Variants in SGCD observed in about 807,000 individuals in gnomAD.
SGCD encodes the protein delta-sarcoglycan.
A neutral mutation model predicts 36.6 loss-of-function variants in SGCD; 18 were observed. That is an observed-to-expected ratio of 0.49 (90% CI 0.34 to 0.73). The LOEUF (loss-of-function observed/expected upper bound fraction) is 0.73, where lower values mean the gene tolerates loss of function less well. Ranked by LOEUF, SGCD falls within the 30% of genes least tolerant of loss-of-function variation. The pLI is 0.01. For missense variants in SGCD, 387 were observed against 346.7 expected, an observed-to-expected ratio of 1.12 and a Z score of -0.92; for synonymous variants, 133 against 130.6, an observed-to-expected ratio of 1.02 and a Z score of -0.12.
intron 1 of SGCD, among the ~76,000 whole-genome samples, chr5:155,971,456 C>T (rs11746342): frequency 0.22 from 33,734 of 151,974 alleles, 4,617 homozygotes; most frequent in South Asian, 0.38. Context: ...TCCCATATAG[C>T]TGATACTGAC....
At chr5:156,473,781 A>T (rs1755068079) in intron 3 of SGCD, among the ~76,000 whole-genome samples, 1 of 152,202 alleles carries the variant, frequency 6.6e-6, no homozygotes, top group South Asian at 2.1e-4. Flanking sequence ...AATCTGTTTT[A>T]AGGAGCAATC....
chr5:156,719,656 A>T (rs567260330), intron 7 of SGCD, among the ~76,000 whole-genome samples: 2 of 152,056 alleles, frequency 1.3e-5, no homozygotes, highest in Non-Finnish European at 2.9e-5. Context: ...ATAGAAACTT[A>T]GGAAACAGCC....
At chr5:156,444,576 T>G (rs1370786670) in intron 3 of SGCD, among the ~76,000 whole-genome samples, 1 of 151,956 alleles carries the variant, frequency 6.6e-6, no homozygotes, top group Non-Finnish European at 1.5e-5. Context: ...AGCATAAGAA[T>G]CTCTCTGTGC....
chr5:155,983,715 T>C (rs1758274766), intron 1 of SGCD, among the ~76,000 whole-genome samples: 1 of 152,220 alleles, frequency 6.6e-6, no homozygotes, highest in South Asian at 2.1e-4. Context: ...AGGGTTCTGG[T>C]AAATATATAA....
At position 156,344,462 on chromosome 5, in the gene SGCD, G is replaced by T. The variant is rs772661727; in HGVS notation, c.4-27G>T. On this transcript the variant is annotated intron_variant, in intron 2 of 8. Transcript: ENST00000337851. ...CTTCTCTCAGCGGTTTAATGTGAGTGCTTCTCTCTTGCCTCGTTTATTTCA... is the reference window on the plus strand; with the variant it reads ...CTTCTCTCAGCGGTTTAATGTGAGTTCTTCTCTCTTGCCTCGTTTATTTCA... The T allele has an allele frequency of 4.7e-6, 7 of 1,485,936 alleles. No individual in the cohort carries two copies. The East Asian group carries it at 1.5e-4, about 32-fold the overall frequency. 92.0% of individuals were successfully genotyped at this position (1,485,936 alleles called of 1,614,324 possible). A position where few individuals can be genotyped will look rare whatever the true frequency, so the allele number is the denominator to read the frequency against.
At chr5:156,735,330 G>A (rs1034003248) in intron 7 of SGCD, among the ~76,000 whole-genome samples, 1 of 152,114 alleles carries the variant, frequency 6.6e-6, no homozygotes, top group African/African-American at 2.4e-5. Flanking sequence ...AAGCCCAAAG[G>A]CTGGAACTAC....
chr5:155,757,262 CAGTATTTATTGAATA>C, the SGCD span, among the ~76,000 whole-genome samples: 14 of 152,136 alleles, frequency 9.2e-5, no homozygotes, highest in African/African-American at 2.9e-4. Context: ...AACAATGAGC[CAGTATTTATTGAATA>C]AGTACTATAT....
At chr5:156,102,072 G>C (rs572378968) in intron 1 of SGCD, among the ~76,000 whole-genome samples, 17 of 151,922 alleles carry the variant, frequency 1.1e-4, no homozygotes, top group African/African-American at 4.1e-4. Context: ...ATTATTACTA[G>C]GACTTTGAGT....
intron 2 of SGCD, among the ~76,000 whole-genome samples, chr5:156,343,910 G>A (rs2127715807): frequency 6.6e-6 from 1 of 152,254 alleles, no homozygotes; most frequent in African/African-American, 2.4e-5. Flanking sequence ...ATCACTTGCT[G>A]AAGATTCCCA....
chr5:156,538,573 A>C (rs1285942426), intron 4 of SGCD, among the ~76,000 whole-genome samples: 2 of 151,984 alleles, frequency 1.3e-5, no homozygotes, highest in African/African-American at 4.8e-5. Context: ...TTTGGACTTA[A>C]TGCAAATTAA....
intron 3 of SGCD, among the ~76,000 whole-genome samples, chr5:156,423,077 G>C (rs1272570209): frequency 7.3e-6 from 1 of 137,858 alleles, no homozygotes; most frequent in Non-Finnish European, 1.6e-5. Context: ...AGGCATATAA[G>C]CTCCATTTCA....
chr5:155,965,843 A>G (rs1445994695), intron 1 of SGCD, among the ~76,000 whole-genome samples: 1 of 151,922 alleles, frequency 6.6e-6, no homozygotes, highest in Admixed American at 6.6e-5. Context: ...CTTCTTCCAA[A>G]TCTACTCTTT....
intron 7 of SGCD, among the ~76,000 whole-genome samples, chr5:156,731,303 A>G (rs1756049288): frequency 2.0e-5 from 3 of 151,992 alleles, no homozygotes; most frequent in Admixed American, 2.0e-4. Flanking sequence ...TCATCATTAA[A>G]TCTTTGCCCA....
intron 3 of SGCD, among the ~76,000 whole-genome samples, chr5:156,445,078 C>G (rs1753704994): frequency 6.6e-6 from 1 of 152,164 alleles, no homozygotes; most frequent in Admixed American, 6.5e-5. Context: ...AACAGGACTC[C>G]ATGGAATGCT....
intron 1 of SGCD, among the ~76,000 whole-genome samples, chr5:155,966,473 G>A (rs569481110): frequency 6.6e-6 from 1 of 152,256 alleles, no homozygotes; most frequent in African/African-American, 2.4e-5. Flanking sequence ...CTTCATAAAT[G>A]CTAGGCAAAA....
At chr5:155,841,010 C>CAAAAA in the SGCD span, among the ~76,000 whole-genome samples, 656 of 60,812 alleles carry the variant, frequency 0.011, 67 homozygotes, top group African/African-American at 0.043. Context: ...GACTCCATCT[C>CAAAAA]AAAAAAAAAA....
intron 3 of SGCD, 95 bp from the exon 4 acceptor site, chr5:156,508,506 A>C (rs974340682): frequency 1.7e-5 from 12 of 707,578 alleles, no homozygotes; most frequent in Non-Finnish European, 3.0e-5. Context: ...AAAAATTAAA[A>C]AAAAAAAAGG....
At chr5:156,693,686 G>A (rs1438237100) in intron 7 of SGCD, among the ~76,000 whole-genome samples, 1 of 152,166 alleles carries the variant, frequency 6.6e-6, no homozygotes, top group South Asian at 2.1e-4. Flanking sequence ...TCCTGAGCTA[G>A]TCACTTTTCT....
intron 1 of SGCD, among the ~76,000 whole-genome samples, chr5:155,907,993 C>T (rs1037016520): frequency 2.0e-5 from 3 of 152,094 alleles, no homozygotes; most frequent in African/African-American, 7.2e-5. Flanking sequence ...ACAGCCACTC[C>T]AACACTGAGC....
Sources: allele counts gnomAD v4.1 joint callset (sites outside exome capture counted in the v4.1 genomes callset), GRCh38; gene constraint gnomAD v4.1.1; transcripts MANE v1.5; gene names NCBI Gene and HGNC (gene_info 2026-07-23, HGNC 2026-07-21).